Variants in CDC27 observed in about 807,000 individuals in gnomAD.
The protein encoded by CDC27 is cell division cycle 27.
A neutral mutation model predicts 109.7 loss-of-function variants in CDC27; 27 were observed. That is an observed-to-expected ratio of 0.25 (90% CI 0.18 to 0.34). The LOEUF is 0.34. CDC27 is among the 10% of genes least tolerant of loss of function. CDC27 has a pLI of 1.00. For missense variants in CDC27, 579 were observed against 960.2 expected (o/e 0.60, Z 5.25); for synonymous variants, 266 against 333.9 (o/e 0.80, Z 2.22).
At chr17:47,140,777 T>C (rs776359371) in intron 12 of CDC27, among the ~76,000 whole-genome samples, 24 of 152,246 alleles carry the variant, frequency 1.6e-4, no homozygotes, top group Admixed American at 6.5e-5. Flanking sequence ...TTTGTAGCAA[T>C]GAATAAGACT....
At chr17:47,168,383 A>T (rs1347923565) in intron 4 of CDC27, among the ~76,000 whole-genome samples, 1 of 152,168 alleles carries the variant, frequency 6.6e-6, no homozygotes, top group African/African-American at 2.4e-5. Context: ...TTCTAAGTGT[A>T]TACGAGGAAA....
At chr17:47,171,073 G>A (rs1463249867) in intron 3 of CDC27, 2 of 152,314 alleles carry the variant, frequency 1.3e-5, no homozygotes, top group African/African-American at 2.4e-5. Flanking sequence ...ACTCCAGCCT[G>A]AGCAACACAG....
intron 10 of CDC27, among the ~76,000 whole-genome samples, chr17:47,142,852 T>C (rs2062838575): frequency 6.6e-6 from 1 of 152,028 alleles, no homozygotes; most frequent in African/African-American, 2.4e-5. Context: ...TTAATTTTTA[T>C]TTTGGAAGAG....
At chr17:47,126,988 T>A (rs2062160334) in intron 16 of CDC27, among the ~76,000 whole-genome samples, 1 of 152,114 alleles carries the variant, frequency 6.6e-6, no homozygotes, top group Non-Finnish European at 1.5e-5. Context: ...GAGACAGGGT[T>A]TCACCATGTT....
At chr17:47,141,821 G>GA in intron 12 of CDC27, 32 bp downstream of exon 12, 4 of 1,364,842 alleles carry the variant, frequency 2.9e-6, no homozygotes, top group Non-Finnish European at 4.0e-6. Context: ...ATTATCTCTA[G>GA]AAAGGCATAT....
intron 9 of CDC27, among the ~76,000 whole-genome samples, chr17:47,146,329 C>A (rs1311333380): frequency 6.6e-6 from 1 of 152,170 alleles, no homozygotes; most frequent in Non-Finnish European, 1.5e-5. Flanking sequence ...CCTGGGGAAC[C>A]CAGAACCTAC....
intron 1 of CDC27, chr17:47,188,904 G>C: frequency 7.2e-7 from 1 of 1,390,748 alleles, no homozygotes; most frequent in Non-Finnish European, 9.3e-7. Flanking sequence ...GGCTCGGACG[G>C]GAAAGGCGGT....
At chr17:47,140,853 T>C (rs759209782) in intron 12 of CDC27, among the ~76,000 whole-genome samples, 1 of 152,216 alleles carries the variant, frequency 6.6e-6, no homozygotes, top group African/African-American at 2.4e-5. Context: ...ATCCTCTGTA[T>C]GTATTCCCTG....
intron 2 of CDC27, among the ~76,000 whole-genome samples, chr17:47,177,348 G>A (rs1373308598): frequency 6.6e-6 from 1 of 152,190 alleles, no homozygotes; most frequent in Non-Finnish European, 1.5e-5. Flanking sequence ...AGGCCGAGGT[G>A]GACAGATCAC....
rs2062835080 is a variant in CDC27, at chr17:47,142,774, G to T, written c.1171-338C>A. On this transcript the variant is annotated intron_variant, in intron 10 of 18. Coordinates refer to ENST00000066544, the MANE Select transcript of CDC27 (RefSeq NM_001256.6). The stretch of plus-strand genomic sequence containing the variant: ...CCGCAACCCAACCTCTGCCTCCCGG[G>T]TTCAAGCGATTCTCCTGCTTCAGCC... Among the ~76,000 whole-genome samples, 4 of 152,132 alleles carry T rather than the reference G, an allele frequency of 2.6e-5. No individual in the cohort carries two copies. The South Asian group carries it at 8.3e-4, about 32-fold the overall frequency.
chr17:47,154,500 C>T (rs1212939812), intron 8 of CDC27, among the ~76,000 whole-genome samples, 172 bp downstream of exon 8: 1 of 152,120 alleles, frequency 6.6e-6, no homozygotes, highest in Non-Finnish European at 1.5e-5. Context: ...AACCAAGAGG[C>T]TACAACAATA....
chr17:47,123,858 T>C (rs1254338867), intron 17 of CDC27, 28 bp downstream of exon 17: 7 of 1,468,928 alleles, frequency 4.8e-6, no homozygotes, highest in Non-Finnish European at 6.5e-6. Flanking sequence ...TGAAAGTCAC[T>C]GTTTGGGACC....
At chr17:47,182,684 T>C (rs1319259254) in intron 1 of CDC27, among the ~76,000 whole-genome samples, 1 of 152,250 alleles carries the variant, frequency 6.6e-6, no homozygotes, top group Non-Finnish European at 1.5e-5. Context: ...AGTTCATTTG[T>C]TTTCATTGCT....
chr17:47,143,111 C>A (rs892571408), intron 10 of CDC27, among the ~76,000 whole-genome samples: 19 of 151,948 alleles, frequency 1.3e-4, no homozygotes, highest in African/African-American at 4.6e-4. Flanking sequence ...CAGCTGGGAT[C>A]AAAGAGTACT....
At chr17:47,133,024 T>TACAC (rs1218545090) in intron 14 of CDC27, among the ~76,000 whole-genome samples, 135 of 47,452 alleles carry the variant, frequency 2.8e-3, no homozygotes, top group African/African-American at 1.0e-2. Context: ...TATATATATA[T>TACAC]ATATACACAC....
chr17:47,177,019 G>A (rs1197407454), intron 2 of CDC27, among the ~76,000 whole-genome samples: 2 of 152,112 alleles, frequency 1.3e-5, no homozygotes, highest in Admixed American at 1.3e-4. Context: ...GTTTTACTCT[G>A]GTTCAGTTCT....
At chr17:47,178,301 G>A (rs188889322) in intron 2 of CDC27, among the ~76,000 whole-genome samples, 44 of 152,092 alleles carry the variant, frequency 2.9e-4, no homozygotes, top group Admixed American at 2.3e-3. Flanking sequence ...TTTGGGAGAC[G>A]GAGGTGGGAG....
intron 4 of CDC27, among the ~76,000 whole-genome samples, chr17:47,166,422 T>C (rs1157111729): frequency 6.6e-6 from 1 of 151,822 alleles, no homozygotes; most frequent in Admixed American, 6.6e-5. Flanking sequence ...AGCATACACA[T>C]CCTTTCACTG....
chr17:47,188,708 A>C (rs2064546071), intron 1 of CDC27: 2 of 995,714 alleles, frequency 2.0e-6, no homozygotes, highest in African/African-American at 3.5e-5. Flanking sequence ...CCTCTCATAC[A>C]AGACAAAATA....
Sources: gnomAD v4.1 joint callset for allele counts (sites outside exome capture counted in the v4.1 genomes callset) on GRCh38, gnomAD v4.1.1 for gene constraint, MANE v1.5 for transcripts, NCBI Gene and HGNC (gene_info 2026-07-23, HGNC 2026-07-21) for gene names.